DCC: variants seen among roughly 807,000 people sequenced by gnomAD.
DCC encodes the protein DCC netrin 1 receptor.
In DCC, 58 loss-of-function variants were observed where a neutral mutation model predicts 172.5. The observed-to-expected ratio is 0.34, with a 90% CI of 0.27 to 0.42. The LOEUF (loss-of-function observed/expected upper bound fraction) is 0.42, where lower values mean the gene tolerates loss of function less well. Ranked by LOEUF, DCC falls within the 10% of genes least tolerant of loss-of-function variation. The pLI, the probability that DCC is intolerant of heterozygous loss-of-function variation, is 1.00. For missense variants in DCC, 1,740 were observed against 1,791.0 expected (o/e 0.97, Z 0.51); for synonymous variants, 709 against 644.5 (o/e 1.10, Z -1.52).
chr18:52,354,485 C>A (rs1984271111), intron 1 of DCC, among the ~76,000 whole-genome samples: 1 of 152,136 alleles, frequency 6.6e-6, no homozygotes, highest in Non-Finnish European at 1.5e-5. Context: ...AACTTGACAT[C>A]CAAAACTGAA....
chr18:53,088,760 T>C (rs1199623484), intron 7 of DCC, among the ~76,000 whole-genome samples: 1 of 152,194 alleles, frequency 6.6e-6, no homozygotes, highest in Non-Finnish European at 1.5e-5. Flanking sequence ...CTGGAGTTTC[T>C]CCATAATGAT....
chr18:52,475,126 A>T (rs1989057300), intron 1 of DCC, among the ~76,000 whole-genome samples: 2 of 152,196 alleles, frequency 1.3e-5, no homozygotes, highest in African/African-American at 4.8e-5. Flanking sequence ...TCTGAGTGGA[A>T]ACCCAGGAAA....
chr18:52,791,985 G>C (rs1166650837), intron 2 of DCC, among the ~76,000 whole-genome samples: 1 of 152,126 alleles, frequency 6.6e-6, no homozygotes, highest in African/African-American at 2.4e-5. Context: ...GTTGAAGGTA[G>C]AGTTTTCCCA....
intron 1 of DCC, among the ~76,000 whole-genome samples, chr18:52,497,324 C>A (rs56393360): frequency 3.5e-5 from 1 of 28,412 alleles, no homozygotes; most frequent in African/African-American, 1.2e-4. Context: ...TACACACACA[C>A]ATATATATAC....
chr18:52,591,474 A>G (rs920655200), intron 1 of DCC, among the ~76,000 whole-genome samples: 3 of 152,120 alleles, frequency 2.0e-5, no homozygotes, highest in Non-Finnish European at 4.4e-5. Context: ...TAAACTTTCC[A>G]CTTTTAAGTG....
At chr18:53,164,097 C>T (rs2144417595) in intron 8 of DCC, among the ~76,000 whole-genome samples, 1 of 152,294 alleles carries the variant, frequency 6.6e-6, no homozygotes, top group Middle Eastern at 3.4e-3. Context: ...AGTGGATTAA[C>T]CTGCAAGAGA....
intron 5 of DCC, among the ~76,000 whole-genome samples, chr18:52,945,588 C>T (rs187851349): frequency 6.6e-6 from 1 of 152,286 alleles, no homozygotes; most frequent in East Asian, 1.9e-4. Flanking sequence ...CCCTAAATGC[C>T]TTTAATCAAA....
At chr18:53,183,338 T>A (rs1425396427) in intron 9 of DCC, among the ~76,000 whole-genome samples, 3 of 152,148 alleles carry the variant, frequency 2.0e-5, no homozygotes, top group Non-Finnish European at 4.4e-5. Flanking sequence ...TCTGATGGTA[T>A]CTTCCTTTGC....
intron 1 of DCC, among the ~76,000 whole-genome samples, chr18:52,605,214 A>G (rs1024001301): frequency 6.6e-6 from 1 of 152,124 alleles, no homozygotes; most frequent in African/African-American, 2.4e-5. Flanking sequence ...ATAAACAATT[A>G]AGCACTAGAT....
chr18:53,143,192 T>C (rs919240756), intron 7 of DCC, among the ~76,000 whole-genome samples: 11 of 152,218 alleles, frequency 7.2e-5, no homozygotes, highest in African/African-American at 2.7e-4. Context: ...CATATCAATC[T>C]AGCCCACTCC....
At chr18:53,182,317 G>C (rs1457414729) in intron 9 of DCC, among the ~76,000 whole-genome samples, 1 of 152,126 alleles carries the variant, frequency 6.6e-6, no homozygotes, top group Non-Finnish European at 1.5e-5. Context: ...TAACAGCATT[G>C]TTCTATTAAA....
chr18:52,805,938 C>A (rs1418726547), intron 2 of DCC, among the ~76,000 whole-genome samples: 1 of 152,134 alleles, frequency 6.6e-6, no homozygotes, highest in Non-Finnish European at 1.5e-5. Flanking sequence ...ACCAAGAAAT[C>A]ATTTTAATTT....
intron 26 of DCC, among the ~76,000 whole-genome samples, chr18:53,498,432 G>A (rs1319294734): frequency 2.6e-5 from 4 of 151,960 alleles, no homozygotes; most frequent in East Asian, 1.9e-4. Flanking sequence ...TATGCAGCTC[G>A]TTTTGCTTGC....
chr18:53,435,024 C>G (rs1045376735), intron 21 of DCC, 120 bp from the exon 22 acceptor site: 19 of 796,258 alleles, frequency 2.4e-5, no homozygotes, highest in Non-Finnish European at 3.5e-5. Context: ...AGTTGTCAGG[C>G]TTTCTTGGGG....
chr18:53,237,154 G>A (rs2056217028), intron 12 of DCC: 1 of 153,300 alleles, frequency 6.5e-6, no homozygotes, highest in African/African-American at 2.4e-5. Flanking sequence ...TGTATGATGA[G>A]ATCATTATAT....
intron 7 of DCC, among the ~76,000 whole-genome samples, chr18:53,148,675 A>C (rs184397825): frequency 6.6e-6 from 1 of 152,186 alleles, no homozygotes; most frequent in African/African-American, 2.4e-5. Context: ...AAAGTCTTAT[A>C]GGAGCAGAAA....
intron 25 of DCC, chr18:53,480,910 G>C (rs1015089946): frequency 2.6e-5 from 4 of 152,210 alleles, no homozygotes; most frequent in Non-Finnish European, 4.4e-5. Context: ...AGGTGGTTCA[G>C]GGTCAGAGCT....
In DCC at chr18:53,489,705, G is replaced by C. The variant is rs544100633; in HGVS notation, c.3898+2747G>C. 2.0e-3 allele frequency among the ~76,000 whole-genome samples: 303 copies of C among 152,188 alleles called. 1 individual carries two copies. The highest frequency in any genetic ancestry group is 6.9e-3 in the African/African-American group (286 of 41,504). ...TCCAAAGGTCTGCTGCCTTCTGAAG[G>C]CACAAATAAAGCTGAATTTCTCTCC... On this transcript the variant is annotated intron_variant, in intron 26 of 28. Transcript: ENST00000442544.
intron 7 of DCC, among the ~76,000 whole-genome samples, chr18:53,073,512 C>A (rs983786322): frequency 1.3e-5 from 2 of 151,734 alleles, no homozygotes; most frequent in South Asian, 4.2e-4. Context: ...GGTGACAGAG[C>A]GAGACTCCGT....
Sources: gnomAD v4.1 joint callset for allele counts (sites outside exome capture counted in the v4.1 genomes callset) on GRCh38, gnomAD v4.1.1 for gene constraint, MANE v1.5 for transcripts, NCBI Gene and HGNC (gene_info 2026-07-23, HGNC 2026-07-21) for gene names.